Variants in GALNT17 observed in about 807,000 individuals in gnomAD.
GALNT17 encodes polypeptide N-acetylgalactosaminyltransferase 17, also known as UDP-GalNAc:polypeptide N-acetylgalactosaminyltransferase-like 3.
A neutral mutation model predicts 63.7 loss-of-function variants in GALNT17; 29 were observed. That is an observed-to-expected ratio of 0.46 (90% CI 0.34 to 0.62). GALNT17 has a LOEUF of 0.62. GALNT17 is among the 20% of genes least tolerant of loss of function. The pLI is 0.01. For missense variants in GALNT17, 603 were observed against 799.6 expected (o/e 0.75, Z 2.97); for synonymous variants, 305 against 318.3 (o/e 0.96, Z 0.45).
At chr7:71,434,912 C>G (rs553363727) in intron 5 of GALNT17, among the ~76,000 whole-genome samples, 3 of 152,154 alleles carry the variant, frequency 2.0e-5, no homozygotes, top group African/African-American at 7.2e-5. Context: ...AACAAAAACC[C>G]TCCACAAAAT....
chr7:71,704,861 A>T (rs879924660), intron 9 of GALNT17, among the ~76,000 whole-genome samples: 2 of 152,174 alleles, frequency 1.3e-5, no homozygotes, highest in Non-Finnish European at 1.5e-5. Context: ...ACAGAAAAAA[A>T]ATTCAAAGGG....
At chr7:71,270,663 C>T (rs188244217) in intron 1 of GALNT17, among the ~76,000 whole-genome samples, 1,556 of 151,660 alleles carry the variant, frequency 0.01, 14 homozygotes, top group Non-Finnish European at 0.017. Flanking sequence ...AAAATGCATT[C>T]CAAACCCTTA....
At chr7:71,610,230 C>T (rs894526203) in intron 6 of GALNT17, among the ~76,000 whole-genome samples, 2 of 152,150 alleles carry the variant, frequency 1.3e-5, no homozygotes, top group Non-Finnish European at 2.9e-5. Flanking sequence ...GTGACTCACA[C>T]CTGTAATCCC....
chr7:71,181,510 G>A (rs1256586806), intron 1 of GALNT17, among the ~76,000 whole-genome samples: 1 of 152,136 alleles, frequency 6.6e-6, no homozygotes, highest in Non-Finnish European at 1.5e-5. Context: ...GTGATGAGAA[G>A]GATGAAGGGG....
intron 1 of GALNT17, among the ~76,000 whole-genome samples, chr7:71,186,709 A>G (rs1391455322): frequency 6.6e-6 from 1 of 152,152 alleles, no homozygotes; most frequent in African/African-American, 2.4e-5. Flanking sequence ...TTCCCTAACA[A>G]AGGAGTTTAT....
chr7:71,501,004 C>T (rs1248305519), intron 5 of GALNT17, among the ~76,000 whole-genome samples: 2 of 151,922 alleles, frequency 1.3e-5, no homozygotes, highest in Admixed American at 6.6e-5. Context: ...GATTCTTACT[C>T]CATTACCCAG....
chr7:71,636,234 C>T (rs779474669), intron 6 of GALNT17, among the ~76,000 whole-genome samples: 1 of 152,212 alleles, frequency 6.6e-6, no homozygotes, highest in African/African-American at 2.4e-5. Context: ...GTTCACTATA[C>T]TCTGTGCTTT....
At chr7:71,355,830 G>A (rs1405327931) in intron 2 of GALNT17, among the ~76,000 whole-genome samples, 5 of 152,114 alleles carry the variant, frequency 3.3e-5, no homozygotes, top group Non-Finnish European at 7.4e-5. Context: ...ACCATGCCCA[G>A]CAGATTCTAT....
At chr7:71,325,854 T>TA (rs1318308506) in intron 1 of GALNT17, among the ~76,000 whole-genome samples, 1 of 152,168 alleles carries the variant, frequency 6.6e-6, no homozygotes, top group African/African-American at 2.4e-5. Context: ...AGGGAATTTC[T>TA]AAAATTTCAA....
intron 1 of GALNT17, chr7:71,284,698 G>A (rs1025782560): frequency 2.0e-5 from 3 of 152,140 alleles, no homozygotes; most frequent in Non-Finnish European, 4.4e-5. Context: ...TTTAGTAGCA[G>A]CGCGAGAACA....
chr7:71,436,590 G>A (rs1157913790), intron 5 of GALNT17, among the ~76,000 whole-genome samples: 1 of 151,686 alleles, frequency 6.6e-6, no homozygotes, highest in East Asian at 1.9e-4. Context: ...ATCGTGGCGG[G>A]CGCCTGTAGT....
intron 3 of GALNT17, among the ~76,000 whole-genome samples, chr7:71,407,943 A>G (rs544595083): frequency 2.0e-5 from 3 of 152,150 alleles, no homozygotes; most frequent in East Asian, 3.9e-4. Context: ...CTCAATGGGT[A>G]TGGGGTTTAT....
intron 2 of GALNT17, among the ~76,000 whole-genome samples, chr7:71,376,278 A>C (rs1465252632): frequency 6.6e-6 from 1 of 151,916 alleles, no homozygotes; most frequent in Non-Finnish European, 1.5e-5. Context: ...CTATGTAAGA[A>C]TAACGTAGGC....
At chr7:71,708,934 A>G (rs1791755086) in intron 9 of GALNT17, among the ~76,000 whole-genome samples, 2 of 152,178 alleles carry the variant, frequency 1.3e-5, no homozygotes, top group Admixed American at 1.3e-4. Context: ...GTGTATAGGT[A>G]CCACATTTTC....
intron 6 of GALNT17, among the ~76,000 whole-genome samples, chr7:71,636,040 G>T (rs1395624848): frequency 1.3e-5 from 2 of 152,152 alleles, no homozygotes; most frequent in Non-Finnish European, 2.9e-5. Flanking sequence ...AGCCCAGTGG[G>T]TCTCAGCCTT....
chr7:71,225,274 A>G (rs1789660575), intron 1 of GALNT17, among the ~76,000 whole-genome samples: 1 of 152,270 alleles, frequency 6.6e-6, no homozygotes, highest in African/African-American at 2.4e-5. Flanking sequence ...CAGCCCATAG[A>G]CTCATTCTTA....
At chr7:71,305,701 G>T (rs1030594371) in intron 1 of GALNT17, among the ~76,000 whole-genome samples, 2 of 152,120 alleles carry the variant, frequency 1.3e-5, no homozygotes, top group Non-Finnish European at 2.9e-5. Flanking sequence ...GGACTTACTA[G>T]GTTGGCGACC....
intron 3 of GALNT17, among the ~76,000 whole-genome samples, chr7:71,392,116 C>T (rs180984329): frequency 5.3e-5 from 8 of 152,142 alleles, no homozygotes; most frequent in Non-Finnish European, 1.0e-4. Context: ...TTGGAGGGGA[C>T]AAATATTCAA....
intron 1 of GALNT17, among the ~76,000 whole-genome samples, chr7:71,263,727 T>G (rs1562956459): frequency 1.3e-5 from 2 of 151,820 alleles, no homozygotes; most frequent in Non-Finnish European, 2.9e-5. Flanking sequence ...ATCGAGACCA[T>G]CCTGGCTAAC....
Sources: allele counts gnomAD v4.1 joint callset (sites outside exome capture counted in the v4.1 genomes callset), GRCh38; gene constraint gnomAD v4.1.1; transcripts MANE v1.5; gene names NCBI Gene and HGNC (gene_info 2026-07-23, HGNC 2026-07-21).